MCPH1: variants seen among roughly 807,000 people sequenced by gnomAD.
MCPH1 encodes microcephalin.
In MCPH1, 104 loss-of-function variants were observed where a neutral mutation model predicts 84.5. That is an observed-to-expected ratio of 1.23 (90% CI 1.05 to 1.45). The LOEUF (loss-of-function observed/expected upper bound fraction) is 1.45, where lower values mean the gene tolerates loss of function less well. Ranked by LOEUF, MCPH1 falls within the 40% of genes most tolerant of loss-of-function variation. The pLI, the probability that MCPH1 is intolerant of heterozygous loss-of-function variation, is 0.00. For missense variants in MCPH1, 1,498 were observed against 1,005.7 expected (o/e 1.49, Z -6.62); for synonymous variants, 514 against 366.8 (o/e 1.40, Z -4.58).
chr8:6,567,345 G>A (rs900168052), intron 12 of MCPH1, among the ~76,000 whole-genome samples: 2 of 151,976 alleles, frequency 1.3e-5, no homozygotes, highest in Non-Finnish European at 2.9e-5. Flanking sequence ...TAGTGCACAC[G>A]GTGCGGTGAC....
intron 11 of MCPH1, among the ~76,000 whole-genome samples, chr8:6,491,660 G>A (rs1810608940): frequency 6.6e-6 from 1 of 151,506 alleles, no homozygotes; most frequent in African/African-American, 2.4e-5. Flanking sequence ...GGTGTGTGAT[G>A]TTCCCCTTCC....
At position 6,621,598 on chromosome 8, in the gene MCPH1, A is replaced by C; in HGVS notation, c.2359A>C (p.Ser787Arg). ...ELVHLCGGRV[S>R]QVPRQASIVI... ...AGTCCACCTGTGCGGAGGCCGGGTCAGCCAAGTCCCCCGCCAGGCCAGCAT... is the reference window on the plus strand; with the variant it reads ...AGTCCACCTGTGCGGAGGCCGGGTCCGCCAAGTCCCCCGCCAGGCCAGCAT... The change falls in exon 13 of 14, where the codon AGC becomes CGC. Residue 787 changes from serine (S) to arginine (R), a missense_variant. By Grantham distance (110) the Ser-to-Arg change is moderately radical. Transcript: ENST00000344683. 1 of 1,614,252 alleles carries C rather than the reference A, an allele frequency of 6.2e-7. No homozygotes were observed.
intron 13 of MCPH1, among the ~76,000 whole-genome samples, chr8:6,634,163 G>T (rs1286896704): frequency 6.6e-6 from 1 of 152,186 alleles, no homozygotes; most frequent in Non-Finnish European, 1.5e-5. Flanking sequence ...CACTGAACCC[G>T]TGCCACTCAG....
intron 12 of MCPH1, among the ~76,000 whole-genome samples, chr8:6,611,809 G>A (rs1247763172): frequency 1.3e-5 from 2 of 152,030 alleles, no homozygotes; most frequent in Non-Finnish European, 2.9e-5. Context: ...TAGCGGAGAC[G>A]GGGTTTCACC....
intron 12 of MCPH1, among the ~76,000 whole-genome samples, chr8:6,613,079 A>G (rs1411016699): frequency 1.3e-5 from 2 of 152,172 alleles, no homozygotes; most frequent in East Asian, 3.9e-4. Flanking sequence ...TCGGCCTTCC[A>G]TATGGGGGTT....
intron 12 of MCPH1, among the ~76,000 whole-genome samples, chr8:6,504,516 C>T (rs1016306085): frequency 1.2e-4 from 18 of 152,068 alleles, no homozygotes; most frequent in African/African-American, 3.6e-4. Context: ...GTCACAGTAT[C>T]GCAGTGCTTA....
intron 13 of MCPH1, chr8:6,627,260 C>T (rs1796804464): frequency 1.0e-6 from 1 of 985,338 alleles, no homozygotes; most frequent in African/African-American, 1.7e-5. Context: ...TCCACATCTC[C>T]ATTGCCTCGA....
chr8:6,505,465 T>TGTA (rs1813346493), intron 12 of MCPH1, among the ~76,000 whole-genome samples: 1 of 76,908 alleles, frequency 1.3e-5, no homozygotes, highest in Non-Finnish European at 2.8e-5. Flanking sequence ...AATATATATA[T>TGTA]TCTTTACATA....
chr8:6,499,939 A>C lies in MCPH1; in HGVS notation c.2214+10A>C. Reference sequence around the variant, plus strand: ...CTTCCCTGCAGCTCCCGTAAGTCAGATGTTGTTTTACGATGGTAAATGCAG... The same window carrying C: ...CTTCCCTGCAGCTCCCGTAAGTCAGCTGTTGTTTTACGATGGTAAATGCAG... On this transcript the variant is annotated intron_variant, in intron 12 of 13. Transcript: ENST00000344683. The C allele has an allele frequency of 4.3e-6, 7 of 1,610,802 alleles. No homozygotes were observed. The highest frequency in any genetic ancestry group is 5.9e-6 in the Non-Finnish European group (7 of 1,177,278).
chr8:6,492,091 T>C (rs1481990499), intron 11 of MCPH1, among the ~76,000 whole-genome samples: 4 of 152,300 alleles, frequency 2.6e-5, no homozygotes, highest in Middle Eastern at 3.4e-3. Context: ...ACAGTCCCAC[T>C]AGCAATGTAA....
chr8:6,429,851 G>A (rs1420974556), intron 3 of MCPH1, among the ~76,000 whole-genome samples: 1 of 152,074 alleles, frequency 6.6e-6, no homozygotes, highest in African/African-American at 2.4e-5. Flanking sequence ...ATCTGCCCAC[G>A]ACCCCTCCCT....
At chr8:6,492,897 T>C (rs1036592695) in intron 11 of MCPH1, among the ~76,000 whole-genome samples, 10 of 152,132 alleles carry the variant, frequency 6.6e-5, no homozygotes, top group Non-Finnish European at 1.5e-4. Flanking sequence ...ATGTAAATAC[T>C]ATTGTCTACT....
intron 12 of MCPH1, among the ~76,000 whole-genome samples, chr8:6,520,934 G>C (rs1374212804): frequency 4.6e-5 from 7 of 152,122 alleles, no homozygotes; most frequent in African/African-American, 1.7e-4. Context: ...ATTAATGATG[G>C]AACTAACTAA....
chr8:6,613,645 G>T (rs1374063284), intron 12 of MCPH1, among the ~76,000 whole-genome samples: 1 of 152,094 alleles, frequency 6.6e-6, no homozygotes, highest in African/African-American at 2.4e-5. Flanking sequence ...GGGTTGGAAG[G>T]GGCACCTGTG....
At chr8:6,420,073 G>A (rs529015297) in intron 3 of MCPH1, among the ~76,000 whole-genome samples, 12 of 151,520 alleles carry the variant, frequency 7.9e-5, no homozygotes, top group African/African-American at 2.9e-4. Context: ...GGAGGGGCTC[G>A]TGTATCTCGT....
Position 6,445,041 on chromosome 8 carries a change from C to G in MCPH1, c.1319C>G (p.Ala440Gly). 6.2e-7 allele frequency: 1 copy of G among 1,614,216 alleles called. No individual in the cohort carries two copies. The highest frequency in any genetic ancestry group is 8.5e-7 in the Non-Finnish European group (1 of 1,180,034). The change falls in exon 8 of 14, where the codon GCT (alanine) becomes GGT (glycine). Residue 440 changes from alanine to glycine, a missense_variant. Coordinates refer to ENST00000344683, the MANE Select transcript of MCPH1 (RefSeq NM_024596.5). ...PPESQLPSSP[A>G]QLSCRSLSKK... ...GAATCTCAGCTGCCATCAAGCCCTG[C>G]TCAGTTGAGCTGCAGAAGTCTTTCT...
chr8:6,407,958 G>A (rs1029781548), intron 1 of MCPH1, among the ~76,000 whole-genome samples: 2 of 152,150 alleles, frequency 1.3e-5, no homozygotes, highest in East Asian at 1.9e-4. Flanking sequence ...TGGAACACAG[G>A]CCGGCCCGTT....
At chr8:6,626,077 C>G in intron 13 of MCPH1, 1 of 985,388 alleles carries the variant, frequency 1.0e-6, no homozygotes. Context: ...CAGTCTGCCT[C>G]TCAAGACCAA....
chr8:6,465,798 G>A (rs376822056), intron 9 of MCPH1, among the ~76,000 whole-genome samples: 1 of 152,170 alleles, frequency 6.6e-6, no homozygotes, highest in Non-Finnish European at 1.5e-5. Flanking sequence ...TAGACACACA[G>A]AAATGCACAG....
Sources: gnomAD v4.1 joint callset for allele counts (sites outside exome capture counted in the v4.1 genomes callset) on GRCh38, gnomAD v4.1.1 for gene constraint, MANE v1.5 for transcripts, NCBI Gene and HGNC (gene_info 2026-07-23, HGNC 2026-07-21) for gene names.